The following GRM5 variants were observed in gnomAD, a reference collection of about 807,000 sequenced individuals.
The protein encoded by GRM5 is glutamate metabotropic receptor 5.
A neutral mutation model predicts 83.1 loss-of-function variants in GRM5; 19 were observed. The ratio of observed to expected loss-of-function variants is 0.23; its 90% CI spans 0.16 to 0.34. The LOEUF (loss-of-function observed/expected upper bound fraction) is 0.34, where lower values mean the gene tolerates loss of function less well. Among genes scored for constraint, GRM5 ranks in the 10% least tolerant of loss-of-function variants. GRM5 has a pLI of 1.00. For synonymous variants in GRM5, 675 were observed against 633.6 expected, an observed-to-expected ratio of 1.07 and a Z score of -0.98; for missense variants, 1,160 against 1,588.3, an observed-to-expected ratio of 0.73 and a Z score of 4.58.
chr11:88,984,394 C>G (rs1014506690), intron 2 of GRM5, among the ~76,000 whole-genome samples: 1 of 152,078 alleles, frequency 6.6e-6, no homozygotes, highest in Admixed American at 6.6e-5. Flanking sequence ...AGATTTGTAG[C>G]GTAGGAGCAA....
chr11:88,518,692 T>C (rs1941592907), intron 9 of GRM5, among the ~76,000 whole-genome samples: 1 of 151,978 alleles, frequency 6.6e-6, no homozygotes, highest in Non-Finnish European at 1.5e-5. Context: ...CTGACCACCA[T>C]CCAAATCTTG....
chr11:88,743,599 T>TA (rs1323287593), intron 3 of GRM5, among the ~76,000 whole-genome samples: 1 of 152,168 alleles, frequency 6.6e-6, no homozygotes, highest in Non-Finnish European at 1.5e-5. Flanking sequence ...TCTCACAGGC[T>TA]GAATGGGCTT....
intron 2 of GRM5, among the ~76,000 whole-genome samples, chr11:88,948,616 G>C (rs541793849): frequency 3.0e-4 from 46 of 152,122 alleles, no homozygotes; most frequent in Non-Finnish European, 5.7e-4. Flanking sequence ...GTTTTATGAC[G>C]GTACATGGAG....
In GRM5 at chr11:88,509,050, T is replaced by A; in HGVS notation, c.3181A>T (p.Ile1061Phe). Residue 1061 changes from isoleucine (I) to phenylalanine (F), a missense_variant, in exon 10 of 10, where the codon ATC becomes TTC. Around this residue, in one of 9 missense-constraint regions of GRM5, gnomAD observed 562 missense variants for 532.4 expected, o/e 1.06. Transcript: ENST00000305447. ...GTGAAGCGGGTGACCACACTGCTGA[T>A]CTGCTCCATGAGGGAGCCCTGCGAG... Reference protein sequence around the residue: ...SSSQGSLMEQISSVVTRFTAN... With the variant: ...SSSQGSLMEQFSSVVTRFTAN... The A allele has an allele frequency of 6.4e-7, 1 of 1,558,998 alleles. No homozygotes were observed.
chr11:88,827,592 G>A (rs1482776374), intron 3 of GRM5, among the ~76,000 whole-genome samples: 1 of 152,152 alleles, frequency 6.6e-6, no homozygotes, highest in Non-Finnish European at 1.5e-5. Flanking sequence ...TACTCACTTG[G>A]TTGGTTGTTT....
chr11:88,641,291 A>G (rs2054454680), intron 4 of GRM5, among the ~76,000 whole-genome samples: 1 of 151,832 alleles, frequency 6.6e-6, no homozygotes, highest in Non-Finnish European at 1.5e-5. Context: ...TCATTAGAAA[A>G]CTTCCACCAT....
intron 2 of GRM5, among the ~76,000 whole-genome samples, chr11:88,981,687 T>G (rs1261010617): frequency 6.6e-6 from 1 of 152,190 alleles, no homozygotes; most frequent in Non-Finnish European, 1.5e-5. Context: ...AAATACCTAA[T>G]TGATGTTTAA....
intron 3 of GRM5, among the ~76,000 whole-genome samples, chr11:88,810,980 G>A (rs1291180376): frequency 6.6e-6 from 1 of 152,088 alleles, no homozygotes; most frequent in Non-Finnish European, 1.5e-5. Flanking sequence ...ACGGGAACAA[G>A]ACTATCTCAG....
At chr11:88,991,227 A>G in intron 2 of GRM5, among the ~76,000 whole-genome samples, 1 of 152,166 alleles carries the variant, frequency 6.6e-6, no homozygotes, top group Non-Finnish European at 1.5e-5. Context: ...CAACAGACAA[A>G]CAGAGAGTCA....
intron 2 of GRM5, among the ~76,000 whole-genome samples, chr11:88,866,299 A>C (rs1387514772): frequency 1.3e-5 from 2 of 152,080 alleles, no homozygotes; most frequent in Non-Finnish European, 2.9e-5. Context: ...AAACTAACAT[A>C]GGAACAGAAA....
chr11:89,063,004 G>A (rs984631949), intron 1 of GRM5, among the ~76,000 whole-genome samples: 21 of 152,282 alleles, frequency 1.4e-4, no homozygotes, highest in African/African-American at 4.8e-4. Context: ...TATAGCCTGA[G>A]TGAAAGAGAT....
At chr11:88,973,724 T>G (rs1027447287) in intron 2 of GRM5, among the ~76,000 whole-genome samples, 5 of 152,232 alleles carry the variant, frequency 3.3e-5, no homozygotes, top group Middle Eastern at 3.4e-3. Context: ...TGTAATTTGT[T>G]AATGCAGCCA....
intron 3 of GRM5, among the ~76,000 whole-genome samples, chr11:88,758,547 A>G (rs1603895): frequency 0.27 from 41,705 of 152,128 alleles, 6,887 homozygotes; most frequent in Non-Finnish European, 0.38. Flanking sequence ...TAGAGAAAAA[A>G]AAATAAAAAG....
intron 2 of GRM5, among the ~76,000 whole-genome samples, chr11:88,992,483 G>C (rs1940014379): frequency 6.6e-6 from 1 of 152,170 alleles, no homozygotes; most frequent in Admixed American, 6.5e-5. Context: ...TCTAGAACTA[G>C]AAATTCCATT....
intron 2 of GRM5, among the ~76,000 whole-genome samples, chr11:88,913,536 G>T (rs902046422): frequency 3.3e-5 from 5 of 150,866 alleles, no homozygotes; most frequent in African/African-American, 1.2e-4. Flanking sequence ...CCTACTGGTT[G>T]GTCCCTCTTT....
At chr11:88,815,348 A>G (rs1165559835) in intron 3 of GRM5, among the ~76,000 whole-genome samples, 4 of 152,236 alleles carry the variant, frequency 2.6e-5, no homozygotes, top group Admixed American at 1.3e-4. Context: ...ACAAAAATCA[A>G]AATGAAAATC....
In GRM5 at chr11:88,709,289, C is replaced by T. The variant is rs963015734; in HGVS notation, c.912-55886G>A. Among the ~76,000 whole-genome samples the T allele has an allele frequency of 2.0e-5, 3 of 151,954 alleles. No homozygotes were observed. In the South Asian group the frequency reaches 6.2e-4, roughly 32 times the overall value. The stretch of plus-strand genomic sequence containing the variant: ...AGGGCCCATGAAGCATTCTGTGCAG[C>T]AGCAGCATGAGGGGAGAATGAGGGG... On this transcript the variant is annotated intron_variant, in intron 3 of 9. Coordinates refer to ENST00000305447, the MANE Select transcript of GRM5 (RefSeq NM_001143831.3).
At chr11:89,013,360 A>C (rs1940761704) in intron 2 of GRM5, among the ~76,000 whole-genome samples, 2 of 152,212 alleles carry the variant, frequency 1.3e-5, no homozygotes, top group African/African-American at 4.8e-5. Flanking sequence ...GAAACAAATA[A>C]CTTCTTTTTC....
rs201132084 is a variant in GRM5, at chr11:88,653,415, T to TA, written c.912-13dup. 733 of 1,571,546 alleles carry TA rather than the reference T, an allele frequency of 4.7e-4. 7 individuals are homozygous for TA. In the East Asian group the frequency reaches 0.01, roughly 22 times the overall value. On this transcript the variant is annotated splice_polypyrimidine_tract_variant and intron_variant, in intron 3 of 9. Coordinates refer to ENST00000305447, the MANE Select transcript of GRM5 (RefSeq NM_001143831.3). ...CAGCCCAGCCATCACTGTGGGGAAA[T>TA]AAAAAAACCCTCAGCTTAGAACAGA...
Sources: gnomAD v4.1 joint callset for allele counts (sites outside exome capture counted in the v4.1 genomes callset) on GRCh38, gnomAD v4.1.1 for gene constraint, gnomAD v4.1.1 regional missense constraint, MANE v1.5 for transcripts, NCBI Gene and HGNC (gene_info 2026-07-23, HGNC 2026-07-21) for gene names.